Variants in UVRAG observed in about 807,000 individuals in gnomAD.
The protein encoded by UVRAG is UV radiation resistance-associated gene protein.
A neutral mutation model predicts 78.0 loss-of-function variants in UVRAG; 19 were observed. The observed-to-expected ratio is 0.24, with a 90% confidence interval of 0.17 to 0.36. UVRAG has a LOEUF of 0.36. Ranked by LOEUF, UVRAG falls within the 10% of genes least tolerant of loss-of-function variation. UVRAG has a pLI of 1.00. For missense variants in UVRAG, 740 were observed against 853.8 expected (o/e 0.87, Z 1.66); for synonymous variants, 323 against 324.6 (o/e 1.00, Z 0.05).
In UVRAG at chr11:76,109,227, G is replaced by A. The variant is rs188798896; in HGVS notation, c.1306-6697G>A. ...GATTGATAATAGTTGGTGAGGGCAG[G>A]TGTTGATGGAACCTGAAGTAAGATT... On this transcript the variant is annotated intron_variant, in intron 13 of 14. Coordinates refer to ENST00000356136, the MANE Select transcript of UVRAG (RefSeq NM_003369.4). Among the ~76,000 whole-genome samples the A allele has an allele frequency of 9.8e-5, 15 of 152,292 alleles. No homozygotes were observed. In the East Asian group the frequency reaches 2.9e-3, roughly 29 times the overall value.
chr11:76,028,904 T>C lies in UVRAG; in HGVS notation c.1226+11924T>C, dbSNP rs547479403. Among the ~76,000 whole-genome samples the C allele has an allele frequency of 3.9e-5, 6 of 152,276 alleles. No homozygotes were observed. In the East Asian group the frequency reaches 1.2e-3, roughly 29 times the overall value. On this transcript the variant is annotated intron_variant, in intron 12 of 14. Transcript: ENST00000356136. The stretch of plus-strand genomic sequence containing the variant: ...GGTGGCTACACTAAACAACAGATTT[T>C]CAAGGTAGACAAAAATAGCCTTCTG...
intron 4 of UVRAG, among the ~76,000 whole-genome samples, chr11:75,882,987 T>C (rs1946984689): frequency 6.6e-6 from 1 of 152,230 alleles, no homozygotes; most frequent in Non-Finnish European, 1.5e-5. Context: ...TTGTTTTCTT[T>C]TTTGCTACCA....
chr11:76,068,131 G>A (rs990376683), intron 13 of UVRAG, among the ~76,000 whole-genome samples: 1 of 152,058 alleles, frequency 6.6e-6, no homozygotes, highest in Non-Finnish European at 1.5e-5. Flanking sequence ...CTTCTCAAGG[G>A]CCCAAAAGGA....
At chr11:76,000,587 C>T (rs1236509894) in intron 8 of UVRAG, among the ~76,000 whole-genome samples, 2 of 151,396 alleles carry the variant, frequency 1.3e-5, no homozygotes, top group African/African-American at 4.9e-5. Context: ...TGCAGCATAG[C>T]CTGGGCAACA....
chr11:75,817,896 AAG>A (rs1000865828), intron 1 of UVRAG, among the ~76,000 whole-genome samples: 1 of 146,524 alleles, frequency 6.8e-6, no homozygotes, highest in Non-Finnish European at 1.5e-5. Flanking sequence ...GTACAAAAAA[AAG>A]AAAAAAAAAA....
intron 5 of UVRAG, 127 bp from the exon 6 acceptor site, chr11:75,911,827 A>G: frequency 1.7e-6 from 1 of 602,926 alleles, no homozygotes; most frequent in Non-Finnish European, 2.9e-6. Flanking sequence ...TACTTTTTGG[A>G]ATCTCTAAAA....
intron 8 of UVRAG, among the ~76,000 whole-genome samples, chr11:75,985,824 A>G (rs1426941224): frequency 2.0e-5 from 3 of 152,224 alleles, no homozygotes; most frequent in South Asian, 2.1e-4. Flanking sequence ...TTTCTCATAA[A>G]TCAGATGACC....
chr11:76,055,349 T>C (rs1950960690), intron 12 of UVRAG, among the ~76,000 whole-genome samples: 2 of 152,172 alleles, frequency 1.3e-5, no homozygotes, highest in East Asian at 3.8e-4. Flanking sequence ...CACCAGCCTG[T>C]TTTTCTCTTA....
Position 76,134,860 on chromosome 11 carries a change from C to T in UVRAG, c.1398-5851C>T, listed in dbSNP as rs1455002930. ...CACAGTCATATAACTCAGGGGTGCC[C>T]AACCCCCGGGCCACAGACTTTTACC... On this transcript the variant is annotated intron_variant, in intron 14 of 14. Transcript: ENST00000356136. Among the ~76,000 whole-genome samples, 7 of 152,150 alleles carry T rather than the reference C, an allele frequency of 4.6e-5. No individual in the cohort carries two copies. In the South Asian group the frequency reaches 1.4e-3, roughly 32 times the overall value.
intron 1 of UVRAG, among the ~76,000 whole-genome samples, chr11:75,827,278 T>C (rs1945535716): frequency 6.6e-6 from 1 of 152,090 alleles, no homozygotes; most frequent in East Asian, 1.9e-4. Flanking sequence ...GGTTTAACAG[T>C]GAATACAAGT....
At chr11:75,892,370 T>G (rs577198821) in intron 5 of UVRAG, 1 of 985,358 alleles carries the variant, frequency 1.0e-6, no homozygotes, top group Non-Finnish European at 1.2e-6. Flanking sequence ...ATTTGTCTCC[T>G]GTGTGGGAAC....
At chr11:75,849,416 C>T (rs999860530) in intron 1 of UVRAG, among the ~76,000 whole-genome samples, 1 of 150,818 alleles carries the variant, frequency 6.6e-6, no homozygotes, top group African/African-American at 2.5e-5. Context: ...ATGGCATGAA[C>T]CTGGGAGGCG....
chr11:75,962,553 A>G (rs116229164), intron 7 of UVRAG, among the ~76,000 whole-genome samples: 2,765 of 152,302 alleles, frequency 0.018, 80 homozygotes, highest in African/African-American at 0.063. Context: ...AAATAGGATA[A>G]CTGCAATAGG....
intron 2 of UVRAG, among the ~76,000 whole-genome samples, chr11:75,860,778 C>A (rs1590944050): frequency 6.8e-6 from 1 of 148,028 alleles, no homozygotes; most frequent in East Asian, 2.0e-4. Flanking sequence ...CGTGCAATTT[C>A]TTTTCTTTTC....
intron 12 of UVRAG, among the ~76,000 whole-genome samples, chr11:76,053,899 AG>A (rs775888507): frequency 1.6e-4 from 24 of 149,746 alleles, no homozygotes; most frequent in Non-Finnish European, 3.3e-4. Flanking sequence ...GAACCTGGGA[AG>A]CGGAGGTTGC....
intron 3 of UVRAG, among the ~76,000 whole-genome samples, chr11:75,877,857 G>T (rs1356665175): frequency 6.8e-6 from 1 of 146,260 alleles, no homozygotes; most frequent in African/African-American, 2.5e-5. Flanking sequence ...CTGGCCGGGC[G>T]GGGGGCTGAC....
chr11:75,847,316 C>CG (rs112383024), intron 1 of UVRAG, among the ~76,000 whole-genome samples: 11,458 of 151,300 alleles, frequency 0.076, 1,414 homozygotes, highest in African/African-American at 0.26. Context: ...TTAGTAGAGA[C>CG]GGGTTTCACC....
chr11:75,857,184 T>C (rs188039435), intron 2 of UVRAG, among the ~76,000 whole-genome samples: 65 of 152,320 alleles, frequency 4.3e-4, no homozygotes, highest in African/African-American at 1.2e-3. Context: ...AAAATGAAAG[T>C]CACATCCCTT....
chr11:75,974,459 C>T (rs1390535113), intron 7 of UVRAG, among the ~76,000 whole-genome samples: 14 of 150,284 alleles, frequency 9.3e-5, no homozygotes, highest in African/African-American at 2.7e-4. Flanking sequence ...CTCCGCTTCC[C>T]GGGTTCACGC....
Sources: allele counts gnomAD v4.1 joint callset (sites outside exome capture counted in the v4.1 genomes callset), GRCh38; gene constraint gnomAD v4.1.1; transcripts MANE v1.5; gene names NCBI Gene and HGNC (gene_info 2026-07-23, HGNC 2026-07-21).